The following PRKCA variants were observed in gnomAD, a reference collection of about 807,000 sequenced individuals.
The protein encoded by PRKCA is protein kinase C alpha.
PRKCA carries 27 observed loss-of-function variants against 87.0 expected under a neutral mutation model. That is an observed-to-expected ratio of 0.31 (90% confidence interval 0.23 to 0.43). The LOEUF is 0.43. Among genes scored for constraint, PRKCA ranks in the 20% least tolerant of loss-of-function variants. The probability of loss-of-function intolerance (pLI) is 1.00; values close to 1 mark genes in which losing one functional copy is unlikely to be tolerated. For missense variants in PRKCA, 518 were observed against 852.3 expected (o/e 0.61, Z 4.88); for synonymous variants, 329 against 311.1 (o/e 1.06, Z -0.61).
chr17:66,556,626 C>T (rs1968503259), intron 3 of PRKCA, among the ~76,000 whole-genome samples: 1 of 152,162 alleles, frequency 6.6e-6, no homozygotes, highest in South Asian at 2.1e-4. Context: ...CAGTTGGAGA[C>T]AACTAAATCA....
chr17:66,678,137 A>G (rs549878883), intron 5 of PRKCA, among the ~76,000 whole-genome samples: 1 of 152,312 alleles, frequency 6.6e-6, no homozygotes, highest in African/African-American at 2.4e-5. Flanking sequence ...TGGGCCCTAA[A>G]TGTGATCACA....
intron 2 of PRKCA, among the ~76,000 whole-genome samples, chr17:66,478,443 G>C (rs1025081115): frequency 6.6e-6 from 1 of 151,804 alleles, no homozygotes; most frequent in Admixed American, 6.6e-5. Flanking sequence ...TAGTAGAGAC[G>C]GGGTTTCACC....
intron 2 of PRKCA, among the ~76,000 whole-genome samples, chr17:66,413,196 C>T (rs1297068506): frequency 1.3e-5 from 2 of 152,190 alleles, no homozygotes; most frequent in East Asian, 3.9e-4. Flanking sequence ...TCCCATCACC[C>T]CTTCTCAGGC....
intron 8 of PRKCA, among the ~76,000 whole-genome samples, chr17:66,700,509 G>C (rs771717774): frequency 3.3e-5 from 5 of 152,090 alleles, no homozygotes; most frequent in Non-Finnish European, 7.4e-5. Flanking sequence ...AAGTAAAATA[G>C]TCTCTGCAGA....
At chr17:66,595,481 A>ATTTTTTTTTTTT (rs1969947107) in intron 3 of PRKCA, among the ~76,000 whole-genome samples, 2 of 47,984 alleles carry the variant, frequency 4.2e-5, no homozygotes, top group African/African-American at 9.4e-5. Flanking sequence ...TTTTTTTTTG[A>ATTTTTTTTTTTT]GACAGTCTTG....
intron 2 of PRKCA, among the ~76,000 whole-genome samples, chr17:66,493,297 TTGTGTGTGTGTG>T (rs61513917): frequency 2.8e-5 from 4 of 143,178 alleles, no homozygotes; most frequent in East Asian, 2.3e-4. Context: ...GTAGGTATAT[TTGTGTGTGTGTG>T]TGTGTGTGTG....
intron 2 of PRKCA, among the ~76,000 whole-genome samples, chr17:66,483,928 G>A (rs1915888477): frequency 6.6e-6 from 1 of 152,056 alleles, no homozygotes; most frequent in African/African-American, 2.4e-5. Flanking sequence ...TATGGGGATA[G>A]TTTGTATTAG....
At chr17:66,679,679 A>G (rs1972438096) in intron 5 of PRKCA, among the ~76,000 whole-genome samples, 1 of 152,194 alleles carries the variant, frequency 6.6e-6, no homozygotes, top group Non-Finnish European at 1.5e-5. Flanking sequence ...TTCTAGTGGA[A>G]GAGTTTCCTT....
rs1908883529 is a variant in PRKCA at position 66,368,384 on chromosome 17, ATATTT to A, written c.205+62259_205+62263del. Among the ~76,000 whole-genome samples the A allele has an allele frequency of 5.2e-4, 14 of 26,998 alleles. No homozygotes were observed. The East Asian group carries it at 6.3e-3, about 12-fold the overall frequency. 17.7% of individuals were successfully genotyped at this position (26,998 alleles called of 152,430 possible). A position where few individuals can be genotyped will look rare whatever the true frequency, so the allele number is the denominator to read the frequency against. ...TATATGTATATATATATATATATAT[ATATTT>A]TTTTTTTTTTTTTTTTTTTTTTGGA... is the stretch of plus-strand genomic sequence containing the variant. On this transcript the variant is annotated intron_variant, in intron 2 of 16. Transcript: ENST00000413366.
intron 2 of PRKCA, among the ~76,000 whole-genome samples, chr17:66,347,213 T>C (rs1907434195): frequency 6.6e-6 from 1 of 152,086 alleles, no homozygotes; most frequent in Non-Finnish European, 1.5e-5. Flanking sequence ...AAAAAGGACA[T>C]TTTCCCTAAC....
At chr17:66,390,757 A>T (rs1056799948) in intron 2 of PRKCA, among the ~76,000 whole-genome samples, 1 of 152,176 alleles carries the variant, frequency 6.6e-6, no homozygotes, top group Middle Eastern at 3.2e-3. Context: ...TTGAAGCCTG[A>T]TTTGCAAAGC....
intron 3 of PRKCA, among the ~76,000 whole-genome samples, chr17:66,622,814 C>A (rs1970726051): frequency 6.6e-6 from 1 of 152,192 alleles, no homozygotes; most frequent in African/African-American, 2.4e-5. Context: ...CCTTATAAAA[C>A]CATCAGATCT....
chr17:66,494,702 A>G (rs1354359171), intron 2 of PRKCA, among the ~76,000 whole-genome samples: 1 of 152,214 alleles, frequency 6.6e-6, no homozygotes, highest in East Asian at 1.9e-4. Context: ...TATTCAACAA[A>G]TGATAAGAGT....
At chr17:66,336,630 C>T (rs1429483662) in intron 2 of PRKCA, among the ~76,000 whole-genome samples, 1 of 82,298 alleles carries the variant, frequency 1.2e-5, no homozygotes, top group Non-Finnish European at 3.4e-5. Flanking sequence ...TTTAAAAGTA[C>T]CTGTTATATA....
intron 3 of PRKCA, among the ~76,000 whole-genome samples, chr17:66,536,598 C>T (rs554389859): frequency 6.6e-6 from 1 of 152,310 alleles, no homozygotes; most frequent in South Asian, 2.1e-4. Flanking sequence ...TTGCTTAACC[C>T]CTCTGAGCTG....
intron 5 of PRKCA, among the ~76,000 whole-genome samples, chr17:66,657,516 G>T (rs753279276): frequency 6.6e-6 from 1 of 152,104 alleles, no homozygotes; most frequent in African/African-American, 2.4e-5. Context: ...GGGAAATGCC[G>T]CACTGACCTC....
chr17:66,663,430 G>A (rs1043459950), intron 5 of PRKCA, among the ~76,000 whole-genome samples: 3 of 152,180 alleles, frequency 2.0e-5, no homozygotes, highest in Non-Finnish European at 4.4e-5. Context: ...ATTTCAGTTC[G>A]GTTTAGTCTA....
chr17:66,426,326 G>GT (rs1195654022), intron 2 of PRKCA, among the ~76,000 whole-genome samples: 1 of 152,122 alleles, frequency 6.6e-6, no homozygotes, highest in African/African-American at 2.4e-5. Flanking sequence ...AGGAACTTTT[G>GT]TAAGTTTTTG....
At chr17:66,632,412 CTCTGTT>C (rs1310541062) in intron 3 of PRKCA, among the ~76,000 whole-genome samples, 5 of 152,036 alleles carry the variant, frequency 3.3e-5, no homozygotes, top group Non-Finnish European at 5.9e-5. Context: ...CGGGGTCTTG[CTCTGTT>C]ACCCAGGCTG....
Sources: allele counts gnomAD v4.1 joint callset (sites outside exome capture counted in the v4.1 genomes callset), GRCh38; gene constraint gnomAD v4.1.1; transcripts MANE v1.5; gene names NCBI Gene and HGNC (gene_info 2026-07-23, HGNC 2026-07-21).